ADORA1: variants seen among roughly 807,000 people sequenced by gnomAD.
The protein encoded by ADORA1 is adenosine receptor A1.
In ADORA1, 6 loss-of-function variants were observed where a neutral mutation model predicts 19.9. That is an observed-to-expected ratio of 0.30 (90% CI 0.17 to 0.59). The LOEUF is 0.59. Among genes scored for constraint, ADORA1 ranks in the 20% least tolerant of loss-of-function variants. The pLI, the probability that ADORA1 is intolerant of heterozygous loss-of-function variation, is 0.87. For missense variants in ADORA1, 302 were observed against 439.2 expected (o/e 0.69, Z 2.79); for synonymous variants, 194 against 188.4 (o/e 1.03, Z -0.24).
At chr1:203,155,282 T>C (rs535296340) in intron 3 of ADORA1, among the ~76,000 whole-genome samples, 145 of 152,246 alleles carry the variant, frequency 9.5e-4, no homozygotes, top group Non-Finnish European at 1.9e-3. Context: ...CCTCAAGTGA[T>C]CCACCTGCCT....
At chr1:203,163,028 G>T (rs760225386) in intron 3 of ADORA1, among the ~76,000 whole-genome samples, 11 of 152,172 alleles carry the variant, frequency 7.2e-5, no homozygotes, top group Non-Finnish European at 1.5e-4. Context: ...GTCTTTGCCC[G>T]TAGACTCATG....
chr1:203,134,434 C>A (rs1018786539), intron 3 of ADORA1, among the ~76,000 whole-genome samples: 4 of 152,192 alleles, frequency 2.6e-5, no homozygotes, highest in African/African-American at 9.7e-5. Context: ...TTAGGCCAAG[C>A]AGCTTGCTGG....
intron 3 of ADORA1, among the ~76,000 whole-genome samples, chr1:203,130,787 C>A (rs894649377): frequency 6.6e-5 from 10 of 152,216 alleles, no homozygotes; most frequent in Non-Finnish European, 1.3e-4. Flanking sequence ...ACAGAATGCA[C>A]CCTACTTGCC....
At chr1:203,158,595 C>A (rs1020671981) in intron 3 of ADORA1, among the ~76,000 whole-genome samples, 28 of 152,202 alleles carry the variant, frequency 1.8e-4, no homozygotes, top group African/African-American at 6.5e-4. Context: ...ATACCTGTTA[C>A]CCAGTTCTAA....
intron 3 of ADORA1, among the ~76,000 whole-genome samples, chr1:203,155,312 G>A (rs1655166489): frequency 6.6e-6 from 1 of 152,140 alleles, no homozygotes; most frequent in African/African-American, 2.4e-5. Flanking sequence ...AAAGTGCTGG[G>A]ATTACAGGCA....
chr1:203,128,796 G>C lies in ADORA1; in HGVS notation c.-46G>C. The C allele has an allele frequency of 6.5e-7, 1 of 1,548,240 alleles. No homozygotes were observed. Among genetic ancestry groups the C allele is most frequent in the Middle Eastern group, 2.0e-4 (1 of 5,046 alleles). Reference sequence around the variant, plus strand: ...CCCTGACCACACAGGTGCTTGCCTCGTGCCCCTTGGTGCCCGTCTGCTGAT... The same window carrying C: ...CCCTGACCACACAGGTGCTTGCCTCCTGCCCCTTGGTGCCCGTCTGCTGAT... On this transcript the variant is annotated 5_prime_UTR_variant, in exon 3 of 4. Transcript: ENST00000337894. The surrounding 1 kb of genome is among the most constrained non-coding windows in gnomAD (Gnocchi z 5.9).
At chr1:203,147,667 T>G (rs1350857145) in intron 3 of ADORA1, among the ~76,000 whole-genome samples, 2 of 152,192 alleles carry the variant, frequency 1.3e-5, no homozygotes, top group African/African-American at 4.8e-5. Flanking sequence ...ACGATTCATA[T>G]GCACATTACA....
intron 3 of ADORA1, among the ~76,000 whole-genome samples, chr1:203,143,245 G>A (rs1438310817): frequency 6.6e-6 from 1 of 152,160 alleles, no homozygotes; most frequent in Non-Finnish European, 1.5e-5. Flanking sequence ...TCACAGTGGA[G>A]GGCATCACAT....
chr1:203,128,196 G>T lies in ADORA1; in HGVS notation c.-212-82G>T. ...CCCCAGACCCACGTCTGCCACCCCA[G>T]TCCCAGGTGCGAAACAGGGGCGCTA... On this transcript the variant is annotated intron_variant, in intron 1 of 3. Coordinates refer to ENST00000337894, the MANE Select transcript of ADORA1 (RefSeq NM_000674.3). This position sits in a 1 kb window ranked among gnomAD's most constrained non-coding sequence, Gnocchi z 5.9. The T allele has an allele frequency of 1.7e-6, 1 of 590,338 alleles. No homozygotes were observed. The highest frequency in any genetic ancestry group is 2.0e-5 in the African/African-American group (1 of 50,860). The allele number at this position is 590,338 out of a possible 1,614,324, so 36.6% of individuals were successfully genotyped here.
chr1:203,137,549 G>A (rs963908992), intron 3 of ADORA1, among the ~76,000 whole-genome samples: 11 of 152,302 alleles, frequency 7.2e-5, no homozygotes, highest in African/African-American at 2.6e-4. Context: ...AGGTGCTATT[G>A]CAGTGATTCA....
chr1:203,139,508 C>T (rs1168427491), intron 3 of ADORA1, among the ~76,000 whole-genome samples: 4 of 152,150 alleles, frequency 2.6e-5, no homozygotes, highest in Non-Finnish European at 5.9e-5. Flanking sequence ...TAATTGGGGG[C>T]AGCATGAAGG....
intron 3 of ADORA1, among the ~76,000 whole-genome samples, chr1:203,153,948 C>CGACA (rs1431020506): frequency 1.3e-5 from 2 of 152,120 alleles, no homozygotes; most frequent in Non-Finnish European, 1.5e-5. Context: ...GAGCTATGAA[C>CGACA]TGTCACTCCC....
chr1:203,136,326 C>T (rs1031857188), intron 3 of ADORA1, among the ~76,000 whole-genome samples: 1 of 152,104 alleles, frequency 6.6e-6, no homozygotes, highest in Admixed American at 6.5e-5. Context: ...ATGGGGGCAG[C>T]TGGCAAGGGG....
chr1:203,165,257 C>T lies in ADORA1; in HGVS notation c.342-4C>T. On this transcript the variant is annotated splice_polypyrimidine_tract_variant and splice_region_variant and intron_variant, in intron 3 of 3. Coordinates refer to ENST00000337894, the MANE Select transcript of ADORA1 (RefSeq NM_000674.3). This position sits in a 1 kb window ranked among gnomAD's most constrained non-coding sequence, Gnocchi z 5.9. ...TCCTCACACTCTGCCCTCCTCTCCC[C>T]CAGGTACAAGATGGTGGTGACCCCC... 1 of 1,591,448 alleles carries T rather than the reference C, an allele frequency of 6.3e-7. No homozygotes were observed. The highest frequency in any genetic ancestry group is 8.6e-7 in the Non-Finnish European group (1 of 1,168,678).
At chr1:203,152,704 GAA>G (rs1655075788) in intron 3 of ADORA1, 1 of 152,286 alleles carries the variant, frequency 6.6e-6, no homozygotes, top group African/African-American at 2.4e-5. Context: ...TCTCAGTGCA[GAA>G]AGAGCTGAGA....
chr1:203,158,641 A>G (rs949715452), intron 3 of ADORA1, among the ~76,000 whole-genome samples: 1 of 152,216 alleles, frequency 6.6e-6, no homozygotes, highest in Non-Finnish European at 1.5e-5. Flanking sequence ...TGTTAGAGCA[A>G]CAACCCCACT....
At chr1:203,160,488 G>C (rs1355760292) in intron 3 of ADORA1, among the ~76,000 whole-genome samples, 6 of 152,158 alleles carry the variant, frequency 3.9e-5, no homozygotes, top group Non-Finnish European at 8.8e-5. Flanking sequence ...ATAGGGTTGC[G>C]CTGAAGTATC....
rs1428771291 is a variant in ADORA1 at position 203,128,209 on chromosome 1, A to C, written c.-212-69A>C. On this transcript the variant is annotated intron_variant, in intron 1 of 3. Transcript: ENST00000337894. The surrounding 1 kb of genome is among the most constrained non-coding windows in gnomAD (Gnocchi z 5.9). ...TCTGCCACCCCAGTCCCAGGTGCGA[A>C]ACAGGGGCGCTACCTCTTTAAAAGC... 1.3e-6 allele frequency: 1 copy of C among 743,632 alleles called. No homozygotes were observed. Among genetic ancestry groups the C allele is most frequent in the East Asian group, 7.2e-5 (1 of 13,820 alleles). The allele number at this position is 743,632 out of a possible 1,614,324, so 46.1% of individuals were successfully genotyped here.
At chr1:203,131,215 C>T (rs907256687) in intron 3 of ADORA1, among the ~76,000 whole-genome samples, 2 of 152,188 alleles carry the variant, frequency 1.3e-5, no homozygotes, top group Non-Finnish European at 2.9e-5. Context: ...ACTCCTGCCA[C>T]TCACGCTCTT....
Sources: gnomAD v4.1 joint callset for allele counts (sites outside exome capture counted in the v4.1 genomes callset) on GRCh38, gnomAD v4.1.1 for gene constraint, Gnocchi (gnomAD v3.1) non-coding constraint, MANE v1.5 for transcripts, NCBI Gene and HGNC (gene_info 2026-07-23, HGNC 2026-07-21) for gene names.